Variants in SPAG16 observed in about 807,000 individuals in gnomAD.
The protein encoded by SPAG16 is sperm-associated antigen 16 protein.
Under a neutral mutation model 80.4 loss-of-function variants are expected in SPAG16, and 86 were observed. That is an observed-to-expected ratio of 1.07 (90% CI 0.90 to 1.28). SPAG16 has a LOEUF of 1.28. SPAG16 is among the 50% of genes most tolerant of loss of function. The pLI is 0.00. For missense variants in SPAG16, 870 were observed against 765.3 expected (o/e 1.14, Z -1.61); for synonymous variants, 294 against 265.9 (o/e 1.11, Z -1.03).
chr2:214,134,244 G>A (rs757632687), intron 14 of SPAG16, among the ~76,000 whole-genome samples: 26 of 152,040 alleles, frequency 1.7e-4, no homozygotes, highest in Non-Finnish European at 3.2e-4. Flanking sequence ...TACTGTTAGC[G>A]CTTCTGCCTC....
chr2:213,898,661 T>A (rs1319063862), intron 11 of SPAG16, among the ~76,000 whole-genome samples: 1 of 152,142 alleles, frequency 6.6e-6, no homozygotes, highest in Non-Finnish European at 1.5e-5. Flanking sequence ...TTTCTTTTAT[T>A]TATACTTTAA....
intron 15 of SPAG16, among the ~76,000 whole-genome samples, chr2:214,213,680 T>C (rs1422698510): frequency 6.6e-6 from 1 of 152,196 alleles, no homozygotes; most frequent in East Asian, 1.9e-4. Flanking sequence ...CCCTGGAATG[T>C]ATGTGCTCAG....
chr2:213,348,921 T>G (rs1575306524), intron 6 of SPAG16, among the ~76,000 whole-genome samples: 1 of 152,262 alleles, frequency 6.6e-6, no homozygotes, highest in Non-Finnish European at 1.5e-5. Flanking sequence ...CTTTGCTCTT[T>G]CCAGTGCACA....
chr2:213,366,374 GTTGAAAA>G (rs1442458199), intron 8 of SPAG16, among the ~76,000 whole-genome samples: 1 of 151,794 alleles, frequency 6.6e-6, no homozygotes. Context: ...TGTTGAAATT[GTTGAAAA>G]TTGAAGTGAG....
intron 9 of SPAG16, among the ~76,000 whole-genome samples, chr2:213,388,617 C>T (rs1445786949): frequency 6.6e-6 from 1 of 152,104 alleles, no homozygotes; most frequent in African/African-American, 2.4e-5. Flanking sequence ...ACCCAGCAAA[C>T]CCTGGGGAAG....
intron 10 of SPAG16, among the ~76,000 whole-genome samples, chr2:213,843,694 T>TA (rs201991010): frequency 0.054 from 8,168 of 152,006 alleles, 719 homozygotes; most frequent in African/African-American, 0.19. Context: ...CTACTAAAAA[T>TA]ACAAAAATTA....
At position 213,822,493 on chromosome 2, in the gene SPAG16, G is replaced by C. The variant is rs553863657; in HGVS notation, c.1071-39992G>C. On this transcript the variant is annotated intron_variant, in intron 10 of 15. Transcript: ENST00000331683. ...CTATTCTGTTAGTTGACTCTTCACT[G>C]TGTTGATTGTTTCCTTTACTGTGTT... Among the ~76,000 whole-genome samples the C allele has an allele frequency of 1.6e-4, 24 of 152,230 alleles. No homozygotes were observed. In the South Asian group the frequency reaches 5.0e-3, roughly 32 times the overall value.
intron 11 of SPAG16, among the ~76,000 whole-genome samples, chr2:213,928,231 C>T (rs1371492301): frequency 1.3e-5 from 2 of 151,594 alleles, no homozygotes; most frequent in Non-Finnish European, 2.9e-5. Context: ...ATTACAGGCA[C>T]ACGCCACCAT....
intron 10 of SPAG16, among the ~76,000 whole-genome samples, chr2:213,720,045 G>A (rs746058621): frequency 1.1e-4 from 17 of 152,224 alleles, no homozygotes; most frequent in Admixed American, 3.9e-4. Flanking sequence ...CAGGGATATG[G>A]ATGAAACTAG....
chr2:213,554,153 A>C (rs776327299), intron 10 of SPAG16, among the ~76,000 whole-genome samples: 3 of 152,212 alleles, frequency 2.0e-5, no homozygotes, highest in Non-Finnish European at 2.9e-5. Context: ...TGAGAAAAGG[A>C]GGTCATGAGG....
At chr2:214,253,247 G>T (rs543821086) in intron 15 of SPAG16, among the ~76,000 whole-genome samples, 1 of 151,970 alleles carries the variant, frequency 6.6e-6, no homozygotes, top group African/African-American at 2.4e-5. Context: ...CTCCCATTCT[G>T]TAGGTTGCCT....
intron 10 of SPAG16, among the ~76,000 whole-genome samples, chr2:213,772,300 G>A (rs1575095229): frequency 6.6e-6 from 1 of 152,120 alleles, no homozygotes; most frequent in Non-Finnish European, 1.5e-5. Flanking sequence ...TTTGTACCCT[G>A]AGACCACCCT....
chr2:213,909,397 A>G (rs2106159200), intron 11 of SPAG16, among the ~76,000 whole-genome samples: 1 of 152,312 alleles, frequency 6.6e-6, no homozygotes, highest in South Asian at 2.1e-4. Context: ...ATATGGAGCC[A>G]AAAAAGAGCC....
At chr2:213,834,127 G>A (rs1338083693) in intron 10 of SPAG16, among the ~76,000 whole-genome samples, 5 of 152,178 alleles carry the variant, frequency 3.3e-5, no homozygotes, top group Middle Eastern at 3.4e-3. Flanking sequence ...CCACTGCCAC[G>A]TAGAAAGTGC....
rs534439602 is a variant in SPAG16, at chr2:214,233,567, A to G, written c.1720+84301A>G. On this transcript the variant is annotated intron_variant, in intron 15 of 15. Transcript: ENST00000331683. ...TGGAAAGAAGTCTAAGACAGGAACT[A>G]AAAAGTTGGGTCTAGAATCCAGATC... Among the ~76,000 whole-genome samples the G allele has an allele frequency of 2.6e-5, 4 of 152,228 alleles. No homozygotes were observed. In the South Asian group the frequency reaches 8.3e-4, roughly 32 times the overall value.
intron 12 of SPAG16, among the ~76,000 whole-genome samples, chr2:213,996,644 C>G (rs1015882740): frequency 2.0e-5 from 3 of 149,526 alleles, no homozygotes; most frequent in African/African-American, 7.4e-5. Flanking sequence ...TCTCTGCTCA[C>G]TGCAACCTCT....
chr2:214,043,192 T>A (rs1255522601), intron 13 of SPAG16, among the ~76,000 whole-genome samples: 1 of 151,764 alleles, frequency 6.6e-6, no homozygotes, highest in Non-Finnish European at 1.5e-5. Context: ...AGTGGGAATA[T>A]TTAAATTATG....
intron 8 of SPAG16, among the ~76,000 whole-genome samples, chr2:213,371,748 T>G (rs1372775962): frequency 6.6e-6 from 1 of 152,136 alleles, no homozygotes; most frequent in Non-Finnish European, 1.5e-5. Context: ...AGATGCAAAT[T>G]GGAATGATTT....
chr2:213,801,894 G>T (rs1175417424), intron 10 of SPAG16, among the ~76,000 whole-genome samples: 1 of 152,124 alleles, frequency 6.6e-6, no homozygotes, highest in Non-Finnish European at 1.5e-5. Context: ...GTTTGAGTTT[G>T]CTCTATTCAT....
Sources: gnomAD v4.1 joint callset for allele counts (sites outside exome capture counted in the v4.1 genomes callset) on GRCh38, gnomAD v4.1.1 for gene constraint, MANE v1.5 for transcripts, NCBI Gene and HGNC (gene_info 2026-07-23, HGNC 2026-07-21) for gene names.